The following SLC37A3 variants were observed in gnomAD, a reference collection of about 807,000 sequenced individuals.
The protein encoded by SLC37A3 is sugar phosphate exchanger 3.
In SLC37A3, 51 loss-of-function variants were observed where a neutral mutation model predicts 67.1. The ratio of observed to expected loss-of-function variants is 0.76; its 90% CI spans 0.61 to 0.96. The LOEUF is 0.96. Among genes scored for constraint, SLC37A3 ranks in the 40% least tolerant of loss-of-function variants. The pLI is 0.00. For synonymous variants in SLC37A3, 214 were observed against 231.4 expected (o/e 0.92, Z 0.68); for missense variants, 508 against 603.0 (o/e 0.84, Z 1.65).
chr7:140,351,237 C>A (rs367886762), intron 9 of SLC37A3, 36 bp downstream of exon 9: 1 of 1,588,926 alleles, frequency 6.3e-7, no homozygotes, highest in African/African-American at 1.4e-5. Flanking sequence ...GGCTCTCATA[C>A]CTCCCTGGCT....
intron 13 of SLC37A3, among the ~76,000 whole-genome samples, chr7:140,343,197 G>T (rs112403392): frequency 3.9e-5 from 6 of 152,198 alleles, no homozygotes; most frequent in African/African-American, 1.4e-4. Flanking sequence ...GAAGAATCTA[G>T]AAGTATAAGT....
chr7:140,343,329 T>G, intron 13 of SLC37A3, 83 bp downstream of exon 13: 1 of 1,587,460 alleles, frequency 6.3e-7, no homozygotes, highest in Non-Finnish European at 8.6e-7. Flanking sequence ...GAGTGCCACC[T>G]ACTGAGGCCC....
intron 3 of SLC37A3, among the ~76,000 whole-genome samples, chr7:140,376,009 T>C (rs3924960): frequency 0.18 from 27,010 of 152,190 alleles, 3,445 homozygotes; most frequent in African/African-American, 0.36. Context: ...GCTGGGTACA[T>C]GCACCAGTGT....
At position 140,345,277 on chromosome 7, in the gene SLC37A3, CACAG is replaced by C. The variant is rs763154818; in HGVS notation, c.1127-18_1127-15del. ...CATTTGGAGAACCTGTGAGGGAAGA[CACAG>C]ACAAACCATGGTGGCTTGAAAAGCA... On this transcript the variant is annotated splice_polypyrimidine_tract_variant and intron_variant, in intron 11 of 14. Coordinates refer to ENST00000326232, the MANE Select transcript of SLC37A3 (RefSeq NM_207113.3). The C allele has an allele frequency of 4.1e-5, 66 of 1,612,876 alleles. No homozygotes were observed. The African/African-American group carries it at 8.0e-4, about 20-fold the overall frequency.
rs1301755099 is a variant in SLC37A3 at position 140,362,873 on chromosome 7, C to T, written c.375+1535G>A. ...CTGGGAAGCGAGGAGCCCCTCTGCC[C>T]GGCCAGCCGCCCCGTCCGGGAGGGA... On this transcript the variant is annotated intron_variant, in intron 5 of 14. Coordinates refer to ENST00000326232, the MANE Select transcript of SLC37A3 (RefSeq NM_207113.3). Among the ~76,000 whole-genome samples the T allele has an allele frequency of 5.9e-5, 4 of 68,106 alleles. 1 individual carries two copies. Among genetic ancestry groups the T allele is most frequent in the Admixed American group, 1.2e-4 (1 of 8,268 alleles). The allele number at this position is 68,106 out of a possible 152,430, so 44.7% of individuals were successfully genotyped here. A position where few individuals can be genotyped will look rare whatever the true frequency, so the allele number is the denominator to read the frequency against.
intron 6 of SLC37A3, among the ~76,000 whole-genome samples, chr7:140,356,195 C>CCA (rs370538437): frequency 2.2e-5 from 3 of 135,074 alleles, no homozygotes; most frequent in Non-Finnish European, 4.7e-5. Flanking sequence ...CTCCACCTCC[C>CCA]AAAAAAAAAA....
chr7:140,351,418 T>A lies in SLC37A3; in HGVS notation c.737A>T (p.Glu246Val), dbSNP rs1796792562. ...LSGIEAEENF[E>V]EDSHRPLING... ...AATTAATGGCCTGTGTGAGTCTTCT[T>A]CAAAGTTTTCTTCTGCCTCAATACC... The change falls in exon 9 of 15, where the codon GAA (glutamate) becomes GTA (valine). Residue 246 changes from glutamate (E) to valine (V), a missense_variant. Physicochemically the swap from Glu to Val is moderately radical, Grantham distance 121 (BLOSUM62 -2). Coordinates refer to ENST00000326232, the MANE Select transcript of SLC37A3 (RefSeq NM_207113.3). 6.2e-7 allele frequency: 1 copy of A among 1,614,162 alleles called. No homozygotes were observed. Among genetic ancestry groups the A allele is most frequent in the Non-Finnish European group, 8.5e-7 (1 of 1,180,016 alleles).
intron 7 of SLC37A3, among the ~76,000 whole-genome samples, chr7:140,354,349 G>A (rs1796935061): frequency 6.6e-6 from 1 of 152,034 alleles, no homozygotes; most frequent in African/African-American, 2.4e-5. Context: ...CAACTGCAAT[G>A]CCTGTCTCTT....
chr7:140,348,462 CTTTTTT>C (rs66700092), intron 10 of SLC37A3, 158 bp downstream of exon 10: 1 of 363,178 alleles, frequency 2.8e-6, no homozygotes, highest in African/African-American at 2.8e-5. Context: ...CTTTTCTTTT[CTTTTTT>C]TTTTTTTTTT....
intron 4 of SLC37A3, among the ~76,000 whole-genome samples, chr7:140,367,820 C>CTTTTT (rs34092614): frequency 1.2e-3 from 156 of 129,994 alleles, no homozygotes; most frequent in Middle Eastern, 8.1e-3. Flanking sequence ...TCCCACCTTC[C>CTTTTT]TTTTTTTTTT....
rs1459069573 is a variant in SLC37A3, at chr7:140,362,814, G to A, written c.375+1594C>T. Among the ~76,000 whole-genome samples the A allele has an allele frequency of 4.6e-5, 4 of 86,438 alleles. 2 individuals are homozygous for A. Among genetic ancestry groups the A allele is most frequent in the East Asian group, 7.8e-4 (2 of 2,558 alleles). The allele number at this position is 86,438 out of a possible 152,430, so 56.7% of individuals were successfully genotyped here. On this transcript the variant is annotated intron_variant, in intron 5 of 14. Coordinates refer to ENST00000326232, the MANE Select transcript of SLC37A3 (RefSeq NM_207113.3). Reference sequence around the variant, plus strand: ...CCCGCCTGGCCAGCCGCCCCGTCCCGGAGGTGAGGGGCGCCTCTGCCCGGC... The same window carrying A: ...CCCGCCTGGCCAGCCGCCCCGTCCCAGAGGTGAGGGGCGCCTCTGCCCGGC...
rs1202889732 is a variant in SLC37A3, at chr7:140,341,591, G to C, written c.1326+1821C>G. Among the ~76,000 whole-genome samples the C allele has an allele frequency of 6.6e-5, 10 of 152,130 alleles. 1 individual carries two copies. The highest frequency in any genetic ancestry group is 6.5e-4 in the Admixed American group (10 of 15,280). On this transcript the variant is annotated intron_variant, in intron 13 of 14. Coordinates refer to ENST00000326232, the MANE Select transcript of SLC37A3 (RefSeq NM_207113.3). ...TTTGGGATTTCACCCCTTAGGCAATGGGAAATCATTCAAAACTCAACATGG... is the reference window on the plus strand; with the variant it reads ...TTTGGGATTTCACCCCTTAGGCAATCGGAAATCATTCAAAACTCAACATGG...
chr7:140,353,355 C>T (rs1796890107), intron 7 of SLC37A3, among the ~76,000 whole-genome samples: 1 of 151,806 alleles, frequency 6.6e-6, no homozygotes, highest in Non-Finnish European at 1.5e-5. Flanking sequence ...TGGTGGCGTA[C>T]ACCTGTAATC....
rs747906147 is a variant in SLC37A3 at position 140,351,259 on chromosome 7, T to C, written c.882+14A>G. The C allele has an allele frequency of 1.2e-6, 2 of 1,610,438 alleles. No individual in the cohort carries two copies. The highest frequency in any genetic ancestry group is 4.5e-5 in the East Asian group (2 of 44,846). Reference sequence around the variant, plus strand: ...ATACCTCCCTGGCTGTGGTAAGATGTAAGCGGTCCTTACCGGTATGACTCC... The same window carrying C: ...ATACCTCCCTGGCTGTGGTAAGATGCAAGCGGTCCTTACCGGTATGACTCC... On this transcript the variant is annotated intron_variant, in intron 9 of 14. Coordinates refer to ENST00000326232, the MANE Select transcript of SLC37A3 (RefSeq NM_207113.3).
In SLC37A3 at chr7:140,372,102, G is replaced by A. The variant is rs185929094; in HGVS notation, c.199-2420C>T. Among the ~76,000 whole-genome samples the A allele has an allele frequency of 1.6e-4, 24 of 151,964 alleles. 1 individual carries two copies. The highest frequency in any genetic ancestry group is 5.1e-4 in the African/African-American group (21 of 41,438). ...CCTGACCTCGTGATCCACCTGCCTC[G>A]GCCTCCCAAAGTGCTGGGATTACAG... On this transcript the variant is annotated intron_variant, in intron 3 of 14. Coordinates refer to ENST00000326232, the MANE Select transcript of SLC37A3 (RefSeq NM_207113.3).
At chr7:140,355,119 T>C (rs1315444344) in intron 7 of SLC37A3, among the ~76,000 whole-genome samples, 2 of 152,250 alleles carry the variant, frequency 1.3e-5, no homozygotes, top group East Asian at 1.9e-4. Flanking sequence ...CTCTCCATAG[T>C]GTTTTTGTTA....
chr7:140,361,099 G>C, intron 5 of SLC37A3, among the ~76,000 whole-genome samples: 1 of 152,042 alleles, frequency 6.6e-6, no homozygotes, highest in East Asian at 1.9e-4. Context: ...GCCAATGCTT[G>C]AAGGAGACTG....
intron 1 of SLC37A3, among the ~76,000 whole-genome samples, chr7:140,385,739 G>T (rs1264675477): frequency 2.0e-5 from 3 of 152,016 alleles, no homozygotes; most frequent in Admixed American, 1.3e-4. Context: ...GGGAGAAAAG[G>T]CTTAATAAGC....
chr7:140,397,259 T>C (rs2130017620), intron 1 of SLC37A3, among the ~76,000 whole-genome samples: 2 of 140,712 alleles, frequency 1.4e-5, no homozygotes, highest in South Asian at 5.0e-4. Flanking sequence ...AGTGGTGTGA[T>C]CTCGGCTCAC....
Sources: allele counts gnomAD v4.1 joint callset (sites outside exome capture counted in the v4.1 genomes callset), GRCh38; gene constraint gnomAD v4.1.1; transcripts MANE v1.5; gene names NCBI Gene and HGNC (gene_info 2026-07-23, HGNC 2026-07-21).